The following DACH1 variants were observed in gnomAD, a reference collection of about 807,000 sequenced individuals.
DACH1 encodes dachshund homolog 1.
A neutral mutation model predicts 54.2 loss-of-function variants in DACH1; 12 were observed. The ratio of observed to expected loss-of-function variants is 0.22; its 90% CI spans 0.14 to 0.36. The LOEUF (loss-of-function observed/expected upper bound fraction) is 0.36, where lower values mean the gene tolerates loss of function less well. Among genes scored for constraint, DACH1 ranks in the 10% least tolerant of loss-of-function variants. The pLI is 1.00. For missense variants in DACH1, 805 were observed against 929.8 expected (o/e 0.87, Z 1.75); for synonymous variants, 386 against 366.2 (o/e 1.05, Z -0.62).
At chr13:71,445,065 G>T (rs1658687518) in intron 10 of DACH1, among the ~76,000 whole-genome samples, 1 of 152,048 alleles carries the variant, frequency 6.6e-6, no homozygotes. Context: ...TATAAAGTGA[G>T]CCTCCCCCAC....
intron 1 of DACH1, among the ~76,000 whole-genome samples, chr13:71,717,504 TCACA>T (rs3221998): frequency 0.06 from 8,586 of 142,554 alleles, 302 homozygotes; most frequent in Non-Finnish European, 0.075. Flanking sequence ...GTGTGTGTAA[TCACA>T]CACACACACA....
intron 1 of DACH1, among the ~76,000 whole-genome samples, chr13:71,772,345 T>G (rs546864487): frequency 6.6e-6 from 1 of 151,834 alleles, no homozygotes; most frequent in East Asian, 1.9e-4. Flanking sequence ...TTTTAAAAGT[T>G]TAACCTCTGT....
chr13:71,663,571 C>T (rs577267887), intron 2 of DACH1, among the ~76,000 whole-genome samples: 1 of 151,880 alleles, frequency 6.6e-6, no homozygotes, highest in Non-Finnish European at 1.5e-5. Flanking sequence ...GAGAAACTCA[C>T]GCTCAGAAAT....
chr13:71,714,381 T>C (rs1486973526), intron 1 of DACH1, among the ~76,000 whole-genome samples: 1 of 152,058 alleles, frequency 6.6e-6, no homozygotes, highest in Non-Finnish European at 1.5e-5. Context: ...ATTGTATCAA[T>C]AGTTGTCCTT....
intron 1 of DACH1, among the ~76,000 whole-genome samples, chr13:71,793,637 C>T (rs1886921858): frequency 6.6e-6 from 1 of 152,032 alleles, no homozygotes; most frequent in South Asian, 2.1e-4. Context: ...TGCAAGCAAT[C>T]CTCCAAGCAC....
intron 1 of DACH1, among the ~76,000 whole-genome samples, chr13:71,760,523 A>G (rs1281768254): frequency 6.6e-6 from 1 of 152,212 alleles, no homozygotes; most frequent in Non-Finnish European, 1.5e-5. Context: ...CTATAAAGTA[A>G]ATATTTCATT....
chr13:71,832,734 A>C (rs1169452782), intron 1 of DACH1, among the ~76,000 whole-genome samples: 1 of 151,942 alleles, frequency 6.6e-6, no homozygotes, highest in Non-Finnish European at 1.5e-5. Flanking sequence ...GAAATGTAAA[A>C]ATGTAAGAGA....
chr13:71,539,960 T>A (rs1396498606), intron 6 of DACH1, among the ~76,000 whole-genome samples: 1 of 152,018 alleles, frequency 6.6e-6, no homozygotes, highest in African/African-American at 2.4e-5. Flanking sequence ...AAGATCATAT[T>A]CTTAATTGCA....
At chr13:71,440,726 A>G (rs771252968) in intron 10 of DACH1, 34 bp from the exon 11 acceptor site, 5 of 1,546,690 alleles carry the variant, frequency 3.2e-6, no homozygotes, top group Non-Finnish European at 4.4e-6. Flanking sequence ...AATTAATGGC[A>G]TGGTATTTGG....
chr13:71,737,478 C>A (rs1884189476), intron 1 of DACH1, among the ~76,000 whole-genome samples: 1 of 152,084 alleles, frequency 6.6e-6, no homozygotes, highest in Non-Finnish European at 1.5e-5. Flanking sequence ...TGAAAAACAG[C>A]AGTAGTTTAG....
intron 10 of DACH1, among the ~76,000 whole-genome samples, chr13:71,468,327 A>C (rs1876779458): frequency 6.6e-6 from 1 of 152,122 alleles, no homozygotes; most frequent in Non-Finnish European, 1.5e-5. Flanking sequence ...TACATGGATT[A>C]TTTTATTTAA....
chr13:71,592,630 T>C (rs1031246999), intron 3 of DACH1, among the ~76,000 whole-genome samples: 1 of 151,874 alleles, frequency 6.6e-6, no homozygotes, highest in African/African-American at 2.4e-5. Context: ...ATATTATGAT[T>C]TGAGGGGAGC....
chr13:71,738,582 A>T (rs972812135), intron 1 of DACH1, among the ~76,000 whole-genome samples: 1 of 151,528 alleles, frequency 6.6e-6, no homozygotes, highest in Non-Finnish European at 1.5e-5. Context: ...AAAATAACAA[A>T]TTGGCCAGGC....
At chr13:71,769,465 G>A (rs1313536840) in intron 1 of DACH1, among the ~76,000 whole-genome samples, 2 of 151,652 alleles carry the variant, frequency 1.3e-5, no homozygotes, top group Non-Finnish European at 3.0e-5. Context: ...CTCCTAGAGT[G>A]AGAAATTAAG....
intron 6 of DACH1, among the ~76,000 whole-genome samples, chr13:71,528,098 TC>T (rs1266408158): frequency 6.6e-6 from 1 of 152,106 alleles, no homozygotes; most frequent in African/African-American, 2.4e-5. Flanking sequence ...GAAAGAATAA[TC>T]CAACATTTTC....
chr13:71,769,013 C>A (rs1885747526), intron 1 of DACH1, among the ~76,000 whole-genome samples: 1 of 151,710 alleles, frequency 6.6e-6, no homozygotes, highest in Non-Finnish European at 1.5e-5. Context: ...ACAACCTGTG[C>A]ATTAAACATA....
chr13:71,821,725 C>T (rs990625132), intron 1 of DACH1, among the ~76,000 whole-genome samples: 3 of 152,126 alleles, frequency 2.0e-5, no homozygotes, highest in South Asian at 2.1e-4. Context: ...TATCCACAGT[C>T]TCTTTAATAA....
intron 10 of DACH1, among the ~76,000 whole-genome samples, chr13:71,463,707 T>C (rs1214248572): frequency 6.6e-6 from 1 of 151,958 alleles, no homozygotes; most frequent in Non-Finnish European, 1.5e-5. Context: ...AAACCTTAAA[T>C]TGCTTTGGAA....
At chr13:71,553,655 T>C (rs1884050889) in intron 6 of DACH1, among the ~76,000 whole-genome samples, 1 of 144,766 alleles carries the variant, frequency 6.9e-6, no homozygotes, top group Non-Finnish European at 1.5e-5. Flanking sequence ...ATATATAGTA[T>C]ATATATATAT....
Sources: gnomAD v4.1 joint callset for allele counts (sites outside exome capture counted in the v4.1 genomes callset) on GRCh38, gnomAD v4.1.1 for gene constraint, MANE v1.5 for transcripts, NCBI Gene and HGNC (gene_info 2026-07-23, HGNC 2026-07-21) for gene names.